The following TOP3B variants were observed in gnomAD, a reference collection of about 807,000 sequenced individuals.
The protein encoded by TOP3B is DNA topoisomerase 3-beta-1.
In TOP3B, 45 loss-of-function variants were observed where a neutral mutation model predicts 93.9. The observed-to-expected ratio is 0.48, with a 90% confidence interval of 0.38 to 0.61. TOP3B has a LOEUF of 0.61. TOP3B is among the 20% of genes least tolerant of loss of function. TOP3B has a pLI of 0.00. For missense variants in TOP3B, 750 were observed against 1,156.1 expected (o/e 0.65, Z 5.09); for synonymous variants, 357 against 472.6 (o/e 0.76, Z 3.17).
intron 10 of TOP3B, 42 bp downstream of exon 10, chr22:21,964,117 TCA>T (rs760876542): frequency 9.9e-6 from 16 of 1,612,330 alleles, no homozygotes; most frequent in Non-Finnish European, 1.4e-5. Flanking sequence ...TCCCAAGGCC[TCA>T]GTGACACACA....
rs752451136 is a variant in TOP3B, at chr22:21,970,362, G to A, written c.429C>T (p.Gly143=). 22 of 1,613,794 alleles carry A rather than the reference G, an allele frequency of 1.4e-5. No homozygotes were observed. The highest frequency in any genetic ancestry group is 1.2e-4 in the South Asian group (11 of 91,064). Residue 143 remains glycine, a synonymous_variant, in exon 6 of 18, where the codon GGC becomes GGT. Transcript: ENST00000357179. The surrounding 1 kb of genome is among the most constrained non-coding windows in gnomAD (Gnocchi z 4.4). ...ACCTGGCCCGGAACACGGTCTTCTC[G>A]CCACCATGGGCCTTGTTCATGACGG... ...VLPVMNKAHG[G]EKTVFRARFS... is the part of the protein sequence containing the mutation.
At position 21,963,604 on chromosome 22, in the gene TOP3B, G is replaced by T; in HGVS notation, c.1204+319C>A. The T allele has an allele frequency of 2.7e-6, 1 of 366,282 alleles. No homozygotes were observed. The highest frequency in any genetic ancestry group is 5.0e-6 in the Non-Finnish European group (1 of 198,746). The allele number at this position is 366,282 out of a possible 1,614,324, so 22.7% of individuals were successfully genotyped here. Reference sequence around the variant, plus strand: ...GCCTTCTCCTGGCACTCGGACCACTGGTACCACCTTAGGCCAGCTGGGAGG... The same window carrying T: ...GCCTTCTCCTGGCACTCGGACCACTTGTACCACCTTAGGCCAGCTGGGAGG... On this transcript the variant is annotated intron_variant, in intron 11 of 17. Transcript: ENST00000357179. The surrounding 1 kb of genome is among the most constrained non-coding windows in gnomAD (Gnocchi z 4.8).
intron 13 of TOP3B, chr22:21,960,671 C>T: frequency 1.7e-6 from 1 of 596,316 alleles, no homozygotes; most frequent in Non-Finnish European, 2.9e-6. Flanking sequence ...CCTCCCTGTA[C>T]AGGGCGCCTA....
At chr22:21,959,947 G>T in intron 14 of TOP3B, 1 of 691,730 alleles carries the variant, frequency 1.4e-6, no homozygotes, top group Non-Finnish European at 2.4e-6. Context: ...GGAAATGTCA[G>T]GCAGAGTGGC....
chr22:21,971,835 A>G lies in TOP3B; in HGVS notation c.384+42T>C. 1 of 1,603,058 alleles carries G rather than the reference A, an allele frequency of 6.2e-7. No homozygotes were observed. Among genetic ancestry groups the G allele is most frequent in the African/African-American group, 1.3e-5 (1 of 74,806 alleles). ...CTGGTGTCAGTTTGGGGCTGGTGTC[A>G]GAAAGGCCAAAAGTGAGGAACAAAG... is the stretch of plus-strand genomic sequence containing the variant. On this transcript the variant is annotated intron_variant, in intron 5 of 17. Coordinates refer to ENST00000357179, the MANE Select transcript of TOP3B (RefSeq NM_001282112.2). The surrounding 1 kb of genome is among the most constrained non-coding windows in gnomAD (Gnocchi z 4.6).
At chr22:21,980,935 C>T (rs188412641) in intron 1 of TOP3B, among the ~76,000 whole-genome samples, 1 of 152,324 alleles carries the variant, frequency 6.6e-6, no homozygotes, top group African/African-American at 2.4e-5. Context: ...TATGACTGGC[C>T]TCTGCTCTCC....
At chr22:21,958,786 T>C in intron 16 of TOP3B, 93 bp from the exon 17 acceptor site, 1 of 1,453,408 alleles carries the variant, frequency 6.9e-7, no homozygotes, top group Non-Finnish European at 9.1e-7. Context: ...GTATGTAATC[T>C]GTCATGCAGA....
chr22:21,958,417 C>T (rs1367527252), intron 17 of TOP3B, 75 bp downstream of exon 17: 2 of 1,606,342 alleles, frequency 1.2e-6, no homozygotes, highest in Non-Finnish European at 8.5e-7. Context: ...CAGAGTCCAG[C>T]CTGGTGCAAG....
At chr22:21,958,106 C>T (rs1469530194) in intron 17 of TOP3B, 40 of 1,255,702 alleles carry the variant, frequency 3.2e-5, no homozygotes, top group Non-Finnish European at 3.7e-5. Context: ...CCTGGACATG[C>T]GCTCCCTCCT....
At chr22:21,980,159 T>C (rs2084598336) in intron 1 of TOP3B, among the ~76,000 whole-genome samples, 1 of 152,064 alleles carries the variant, frequency 6.6e-6, no homozygotes, top group Admixed American at 6.6e-5. Context: ...GAAGAGGCGA[T>C]ATGTCTGGAT....
Position 21,970,332 on chromosome 22 carries a change from G to A in TOP3B, c.459C>T (p.Ser153=). ...TACAGATGTCTGTGTCCGTGATGGA[G>A]CTAAACCTGGCCCGGAACACGGTCT... ...GEKTVFRARF[S]SITDTDICNA... is the part of the protein sequence containing the mutation. Residue 153 remains serine, a synonymous_variant, in exon 6 of 18, where the codon AGC becomes AGT. Transcript: ENST00000357179. The surrounding 1 kb of genome is among the most constrained non-coding windows in gnomAD (Gnocchi z 4.4). 1 of 1,614,096 alleles carries A rather than the reference G, an allele frequency of 6.2e-7. No homozygotes were observed. The highest frequency in any genetic ancestry group is 1.1e-5 in the South Asian group (1 of 91,070).
At chr22:21,969,062 G>A (rs1479690515) in intron 6 of TOP3B, 6 of 354,820 alleles carry the variant, frequency 1.7e-5, no homozygotes, top group Non-Finnish European at 3.1e-5. Context: ...AGGACCCCCA[G>A]AGCACAGACA....
At position 21,960,354 on chromosome 22, in the gene TOP3B, C is replaced by T. The variant is rs144375317; in HGVS notation, c.1621G>A (p.Gly541Ser). Reference protein sequence around the residue: ...SGRRLKPTNLGIVLVHGYYKI... With the variant: ...SGRRLKPTNLSIVLVHGYYKI... ...TAGTAGCCGTGCACCAGGACGATGC[C>T]GAGGTTGGTGGGCTTGAGCCGGCGC... Residue 541 changes from glycine (G) to serine (S), a missense_variant, in exon 14 of 18, where the codon GGC becomes AGC. Around this residue, in one of 4 missense-constraint regions of TOP3B, gnomAD observed 737 missense variants for 933.7 expected, o/e 0.79. Coordinates refer to ENST00000357179, the MANE Select transcript of TOP3B (RefSeq NM_001282112.2). 41 of 1,613,532 alleles carry T rather than the reference C, an allele frequency of 2.5e-5. No homozygotes were observed. The Admixed American group carries it at 5.8e-4, about 23-fold the overall frequency.
intron 1 of TOP3B, chr22:21,976,776 C>T (rs1449604522): frequency 6.6e-6 from 1 of 152,112 alleles, no homozygotes; most frequent in Non-Finnish European, 1.5e-5. Context: ...TAAAAGAAAA[C>T]CACATGAACC....
chr22:21,967,850 T>C, intron 7 of TOP3B, 134 bp from the exon 8 acceptor site: 1 of 671,006 alleles, frequency 1.5e-6, no homozygotes, highest in Non-Finnish European at 2.6e-6. Flanking sequence ...GGCTCACAGC[T>C]GTACCTGTTC....
At chr22:21,957,803 C>G in intron 17 of TOP3B, 1 of 1,531,554 alleles carries the variant, frequency 6.5e-7, no homozygotes, top group Non-Finnish European at 8.7e-7. Context: ...CCTCAACTTT[C>G]AAGGCCCCTC....
At chr22:21,967,528 T>C in intron 8 of TOP3B, 75 bp downstream of exon 8, 1 of 1,119,546 alleles carries the variant, frequency 8.9e-7, no homozygotes. Context: ...TCACAGGCTG[T>C]TCCTCCAGCG....
At chr22:21,969,079 C>A (rs5756262) in intron 6 of TOP3B, 8 of 311,152 alleles carry the variant, frequency 2.6e-5, no homozygotes, top group African/African-American at 1.7e-4. Context: ...GACAAACACA[C>A]TTTATCAAGC....
At chr22:21,965,074 G>A in intron 9 of TOP3B, 1 of 403,148 alleles carries the variant, frequency 2.5e-6, no homozygotes, top group Non-Finnish European at 4.4e-6. Context: ...CCTCACCAGG[G>A]ATAGCTGCTC....
Sources: allele counts gnomAD v4.1 joint callset (sites outside exome capture counted in the v4.1 genomes callset), GRCh38; gene constraint gnomAD v4.1.1; regional missense constraint gnomAD v4.1.1; non-coding constraint Gnocchi (gnomAD v3.1); transcripts MANE v1.5; gene names NCBI Gene and HGNC (gene_info 2026-07-23, HGNC 2026-07-21).